EEF2K: variants seen among roughly 807,000 people sequenced by gnomAD.
EEF2K encodes the protein eukaryotic elongation factor 2 kinase.
EEF2K carries 70 observed loss-of-function variants against 93.8 expected under a neutral mutation model. The observed-to-expected ratio is 0.75, with a 90% CI of 0.62 to 0.91. The LOEUF (loss-of-function observed/expected upper bound fraction) is 0.91, where lower values mean the gene tolerates loss of function less well. EEF2K is among the 40% of genes least tolerant of loss of function. The probability of loss-of-function intolerance (pLI) is 0.00; values close to 1 mark genes in which losing one functional copy is unlikely to be tolerated. For synonymous variants in EEF2K, 376 were observed against 380.8 expected, an observed-to-expected ratio of 0.99 and a Z score of 0.15; for missense variants, 935 against 972.9, an observed-to-expected ratio of 0.96 and a Z score of 0.52.
chr16:22,226,532 T>TTTTTTTTTA (rs1479936035), intron 2 of EEF2K, among the ~76,000 whole-genome samples: 1 of 148,550 alleles, frequency 6.7e-6, no homozygotes, highest in African/African-American at 2.5e-5. Flanking sequence ...TTTTTTTTTT[T>TTTTTTTTTA]ATAAACGTGG....
intron 3 of EEF2K, among the ~76,000 whole-genome samples, chr16:22,248,033 A>G (rs1344671922): frequency 6.7e-6 from 1 of 149,448 alleles, no homozygotes; most frequent in East Asian, 2.1e-4. Context: ...TATTTATTTT[A>G]TGTATGTATT....
intron 4 of EEF2K, 98 bp downstream of exon 4, chr16:22,248,913 T>G (rs756670918): frequency 6.5e-6 from 8 of 1,221,922 alleles, no homozygotes; most frequent in Non-Finnish European, 9.2e-6. Flanking sequence ...CCCACTTTAT[T>G]TAATTTTTGT....
intron 17 of EEF2K, among the ~76,000 whole-genome samples, chr16:22,283,345 C>A (rs1278563701): frequency 1.3e-5 from 2 of 149,094 alleles, no homozygotes; most frequent in South Asian, 2.1e-4. Context: ...AAGAATGATG[C>A]AAATCTATAA....
chr16:22,227,799 C>T (rs1173870882), intron 2 of EEF2K, among the ~76,000 whole-genome samples: 1 of 151,750 alleles, frequency 6.6e-6, no homozygotes, highest in Non-Finnish European at 1.5e-5. Context: ...TCTCATTTAA[C>T]ATTTATAGCT....
At chr16:22,250,718 G>T in intron 5 of EEF2K, 27 bp downstream of exon 5, 1 of 1,614,070 alleles carries the variant, frequency 6.2e-7, no homozygotes, top group Non-Finnish European at 8.5e-7. Context: ...GGCTCTTGGG[G>T]CCCTGCCCAG....
chr16:22,209,028 G>C (rs868647783), intron 1 of EEF2K, among the ~76,000 whole-genome samples: 1 of 152,238 alleles, frequency 6.6e-6, no homozygotes, highest in Middle Eastern at 3.4e-3. Context: ...ACAAGCCAGA[G>C]GGAGTGTTTG....
chr16:22,259,555 G>A (rs2047441811), intron 10 of EEF2K, among the ~76,000 whole-genome samples: 1 of 152,136 alleles, frequency 6.6e-6, no homozygotes, highest in African/African-American at 2.4e-5. Context: ...GAGCATGAAA[G>A]CTACCATAGA....
In EEF2K at chr16:22,263,660, A is replaced by G. The variant is rs182339427; in HGVS notation, c.1377+473A>G. 2.0e-3 allele frequency among the ~76,000 whole-genome samples: 311 copies of G among 152,352 alleles called. 3 individuals carry two copies. The highest frequency in any genetic ancestry group is 4.8e-3 in the South Asian group (23 of 4,834). On this transcript the variant is annotated intron_variant, in intron 12 of 17. Transcript: ENST00000263026. ...AGATAAAGATAAATGCAAAGAAGATAAAACAGGATCATGTGGACCAGTAAC... is the reference window on the plus strand; with the variant it reads ...AGATAAAGATAAATGCAAAGAAGATGAAACAGGATCATGTGGACCAGTAAC...
chr16:22,218,276 G>C (rs1477449334), intron 1 of EEF2K, among the ~76,000 whole-genome samples: 1 of 152,240 alleles, frequency 6.6e-6, no homozygotes, highest in African/African-American at 2.4e-5. Flanking sequence ...AATCACCTGT[G>C]TCCACTGTGG....
rs764192330 is a variant in EEF2K, at chr16:22,273,673, C to A, written c.1812C>A (p.Ala604=). The change falls in exon 16 of 18, where the codon GCC becomes GCA. Residue 604 remains alanine (A), a synonymous_variant. Transcript: ENST00000263026. ...AAGGATTTGATTACTTACTAAAGGC[C>A]GCTGAAGCTGGCGACAGGCAGTCCA... ...KTKGFDYLLK[A]AEAGDRQSMI... The A allele has an allele frequency of 1.2e-6, 2 of 1,614,144 alleles. No individual in the cohort carries two copies. Among genetic ancestry groups the A allele is most frequent in the Admixed American group, 3.3e-5 (2 of 60,012 alleles).
At chr16:22,227,675 T>C (rs1490129510) in intron 2 of EEF2K, among the ~76,000 whole-genome samples, 2 of 152,236 alleles carry the variant, frequency 1.3e-5, no homozygotes, top group African/African-American at 2.4e-5. Flanking sequence ...AGCAATTGTT[T>C]ACAGACTTAA....
rs996543368 is a variant in EEF2K, at chr16:22,285,467, C to CT, written c.*1475dup. On this transcript the variant is annotated 3_prime_UTR_variant, in exon 18 of 18. Coordinates refer to ENST00000263026, the MANE Select transcript of EEF2K (RefSeq NM_013302.5). ...ACAATGGCGATTGTTATTTAATGAG[C>CT]TTTTCCTTTCAATGGAATTCAGCTC... 16 of 152,306 alleles carry CT rather than the reference C, an allele frequency of 1.1e-4. No homozygotes were observed. Among genetic ancestry groups the CT allele is most frequent in the African/African-American group, 3.8e-4 (16 of 41,564 alleles). The allele number at this position is 152,306 out of a possible 1,614,324, so 9.4% of individuals were successfully genotyped here. A position where few individuals can be genotyped will look rare whatever the true frequency, so the allele number is the denominator to read the frequency against.
rs143012622 is a variant in EEF2K at position 22,266,747 on chromosome 16, G to A, written c.1635G>A (p.Glu545=). The A allele has an allele frequency of 1.9e-6, 3 of 1,614,046 alleles. No individual in the cohort carries two copies. The African/African-American group carries it at 4.0e-5, about 22-fold the overall frequency. The change falls in exon 15 of 18, where the codon GAG becomes GAA. Residue 545 remains glutamate (E), a synonymous_variant. Transcript: ENST00000263026. ...GGCGCTTCTGCGAGAAGGGCGAGGA[G>A]TGGGACCAGGAGTCGGCTGTCTTCC... ...EGGRFCEKGE[E]WDQESAVFHL...
chr16:22,231,302 A>G (rs2047112701), intron 2 of EEF2K, among the ~76,000 whole-genome samples: 1 of 151,790 alleles, frequency 6.6e-6, no homozygotes, highest in Non-Finnish European at 1.5e-5. Flanking sequence ...TATTTAGTAG[A>G]GACGGGGGTT....
chr16:22,276,549 C>T (rs1288794667), intron 16 of EEF2K, among the ~76,000 whole-genome samples: 2 of 152,138 alleles, frequency 1.3e-5, no homozygotes. Context: ...ATTCAGGCCC[C>T]AGAAGTTACT....
In EEF2K at chr16:22,225,812, A is replaced by G. The variant is rs1449965990; in HGVS notation, c.83A>G (p.Asp28Gly). Residue 28 changes from aspartate to glycine, a missense_variant, in exon 2 of 18, where the codon GAT (aspartate) becomes GGT (glycine). Coordinates refer to ENST00000263026, the MANE Select transcript of EEF2K (RefSeq NM_013302.5). The part of the protein sequence containing the change: ...SPRAGHDGDS[D>G]GDSDDEEGYF... ...CGAGCTGGCCATGATGGTGATTCTG[A>G]TGGGGACAGCGACGATGAGGAAGGT... 6.2e-6 allele frequency: 10 copies of G among 1,614,234 alleles called. No homozygotes were observed. The highest frequency in any genetic ancestry group is 1.3e-5 in the African/African-American group (1 of 75,068).
intron 3 of EEF2K, among the ~76,000 whole-genome samples, chr16:22,248,299 A>G (rs913164412): frequency 1.3e-5 from 2 of 152,046 alleles, no homozygotes; most frequent in Non-Finnish European, 2.9e-5. Context: ...TCCTGACCTC[A>G]TGATCCGCCT....
Position 22,283,976 on chromosome 16 carries a change from T to C in EEF2K, c.2158T>C (p.Trp720Arg). 6.3e-7 allele frequency: 1 copy of C among 1,581,768 alleles called. No homozygotes were observed. Among genetic ancestry groups the C allele is most frequent in the Non-Finnish European group, 8.6e-7 (1 of 1,163,592 alleles). ...GTACTACCAAAAGGCTGAAGAGGCC[T>C]GGGCCCAGATGGAGGAGTAACCAGG... ...NQYYQKAEEAWAQMEE is the reference protein window; with the variant it reads ...NQYYQKAEEARAQMEE The change falls in exon 18 of 18, where the codon TGG becomes CGG. Residue 720 changes from tryptophan to arginine, a missense_variant. By Grantham distance (101) the Trp-to-Arg change is moderately radical. Transcript: ENST00000263026.
At chr16:22,238,686 A>G (rs998798481) in intron 2 of EEF2K, among the ~76,000 whole-genome samples, 4 of 143,788 alleles carry the variant, frequency 2.8e-5, no homozygotes, top group Non-Finnish European at 4.5e-5. Context: ...AAAAAAAAAA[A>G]GCACTGATCA....
Sources: allele counts gnomAD v4.1 joint callset (sites outside exome capture counted in the v4.1 genomes callset), GRCh38; gene constraint gnomAD v4.1.1; transcripts MANE v1.5; gene names NCBI Gene and HGNC (gene_info 2026-07-23, HGNC 2026-07-21).